MAX: variants seen among roughly 807,000 people sequenced by gnomAD.
MAX encodes MYC associated transcriptional regulator X.
Under a neutral mutation model 22.3 loss-of-function variants are expected in MAX, and 3 were observed. The observed-to-expected ratio is 0.13, with a 90% CI of 0.06 to 0.35. The LOEUF (loss-of-function observed/expected upper bound fraction) is 0.35. Ranked by LOEUF, MAX falls within the 10% of genes least tolerant of loss-of-function variation. The pLI is 1.00. For missense variants in MAX, 119 were observed against 209.4 expected (o/e 0.57, Z 2.66); for synonymous variants, 72 against 77.7 (o/e 0.93, Z 0.39).
At chr14:65,083,308 T>C (rs1001512403) in intron 3 of MAX, among the ~76,000 whole-genome samples, 8 of 152,238 alleles carry the variant, frequency 5.3e-5, no homozygotes, top group Non-Finnish European at 8.8e-5. Context: ...GGATTCTAAA[T>C]AGAACCGTTT....
At position 65,032,623 on chromosome 14, in the gene MAX, G is replaced by A. The variant is rs762864284; in HGVS notation, c.172-26339C>T. The A allele has an allele frequency of 7.6e-5, 122 of 1,613,640 alleles. No individual in the cohort carries two copies. Among genetic ancestry groups the A allele is most frequent in the Non-Finnish European group, 2.7e-5 (32 of 1,180,000 alleles). ...CTGTCTTTCCAGAAGCGCATACTGT[G>A]CTGCCTCCGTAGCCTCGCTGACCAA... On this transcript the variant is annotated intron_variant, in intron 3 of 3. Coordinates refer to the MAX transcript ENST00000341653. This position sits in a 1 kb window ranked among gnomAD's most constrained non-coding sequence, Gnocchi z 5.0.
rs2062035854 is a variant in MAX, at chr14:65,029,158, G to C, written c.172-22874C>G. On this transcript the variant is annotated intron_variant, in intron 3 of 3. Transcript: ENST00000341653. The surrounding 1 kb of genome is among the most constrained non-coding windows in gnomAD (Gnocchi z 4.7). ...CTTTGGGTGATGCTCTGCCATTCGT[G>C]CCCGTGCTTTCTATTTACATAAAGG... is the stretch of plus-strand genomic sequence containing the variant. Among the ~76,000 whole-genome samples the C allele has an allele frequency of 6.6e-6, 1 of 152,100 alleles. No homozygotes were observed. The highest frequency in any genetic ancestry group is 6.5e-5 in the Admixed American group (1 of 15,270).
At position 65,006,478 on chromosome 14, in the gene MAX, G is replaced by A. The variant is rs7148590; in HGVS notation, c.172-194C>T. Among the ~76,000 whole-genome samples, 85,636 of 152,034 alleles carry A rather than the reference G, an allele frequency of 0.56. 24,732 individuals carry two copies. The highest frequency in any genetic ancestry group is 0.69 in the African/African-American group (28,579 of 41,438). The stretch of plus-strand genomic sequence containing the variant: ...CTTGGGAGAACGAGCTCTCTTAAAT[G>A]TAATGGTATCCTTGGCAGTTCGCTG... On this transcript the variant is annotated intron_variant, in intron 3 of 3. Transcript: ENST00000341653.
At position 65,084,264 on chromosome 14, in the gene MAX, G is replaced by T. The variant is rs1293312133; in HGVS notation, c.172-6228C>A. The T allele has an allele frequency of 2.5e-6, 4 of 1,612,600 alleles. No homozygotes were observed. In the African/African-American group the frequency reaches 4.0e-5, roughly 16 times the overall value. On this transcript the variant is annotated intron_variant, in intron 3 of 4. Coordinates refer to ENST00000358664, the MANE Select transcript of MAX (RefSeq NM_002382.5). This position sits in a 1 kb window ranked among gnomAD's most constrained non-coding sequence, Gnocchi z 4.3. ...TCTGCATCAAACTTTGACGATGAAG[G>T]ACAGGAGTACACAATTTCCAAAAGA...
intron 3 of MAX, among the ~76,000 whole-genome samples, chr14:65,051,761 T>C (rs991225712): frequency 2.0e-5 from 3 of 152,294 alleles, no homozygotes; most frequent in East Asian, 1.9e-4. Flanking sequence ...GGAAAGGTTA[T>C]TGATACCATA....
Position 65,077,373 on chromosome 14 carries a change from G to C in MAX, c.295+540C>G, listed in dbSNP as rs2063087053. On this transcript the variant is annotated intron_variant, in intron 4 of 4. Transcript: ENST00000358664. This position sits in a 1 kb window ranked among gnomAD's most constrained non-coding sequence, Gnocchi z 6.3. Reference sequence around the variant, plus strand: ...CCTTTTACTTGCATCTTCCATGAGGGAGGAAGAGAAGTGAATTCCCCAGGA... The same window carrying C: ...CCTTTTACTTGCATCTTCCATGAGGCAGGAAGAGAAGTGAATTCCCCAGGA... 2.5e-6 allele frequency: 4 copies of C among 1,613,486 alleles called. No homozygotes were observed.
chr14:65,074,042 G>A (rs1268457939), downstream of MAX, among the ~76,000 whole-genome samples: 2 of 152,168 alleles, frequency 1.3e-5, no homozygotes, highest in African/African-American at 4.8e-5. Flanking sequence ...CTTCCTGTTT[G>A]CTATCTCCCT....
chr14:65,022,055 A>T lies in MAX; in HGVS notation c.172-15771T>A, dbSNP rs144756432. ...ACACGTCTGACTCTGTGAGCAGCAGAGGCCACCCGGAATCAACAAGAGATG... is the reference window on the plus strand; with the variant it reads ...ACACGTCTGACTCTGTGAGCAGCAGTGGCCACCCGGAATCAACAAGAGATG... On this transcript the variant is annotated intron_variant, in intron 3 of 3. Coordinates refer to the MAX transcript ENST00000341653. 8.7e-4 allele frequency: 396 copies of T among 456,084 alleles called. 4 individuals carry two copies. The highest frequency in any genetic ancestry group is 6.8e-3 in the African/African-American group (339 of 50,200). 28.3% of individuals were successfully genotyped at this position (456,084 alleles called of 1,614,324 possible).
chr14:65,055,485 TC>T (rs902156155), intron 3 of MAX, among the ~76,000 whole-genome samples: 15 of 152,152 alleles, frequency 9.9e-5, no homozygotes, highest in Admixed American at 5.9e-4. Context: ...ATTGTAACCT[TC>T]CTTTTTTGTT....
At chr14:65,085,728 G>A (rs536470012) in intron 3 of MAX, among the ~76,000 whole-genome samples, 5 of 152,264 alleles carry the variant, frequency 3.3e-5, no homozygotes, top group Admixed American at 2.0e-4. Flanking sequence ...GAGGGAAGGG[G>A]GGAACTCAGG....
chr14:65,006,591 G>C (rs2061596165), intron 3 of MAX, among the ~76,000 whole-genome samples: 1 of 152,152 alleles, frequency 6.6e-6, no homozygotes, highest in African/African-American at 2.4e-5. Flanking sequence ...GCTTTTGGAG[G>C]GGCTTTGTTG....
chr14:65,065,227 G>T (rs528895421), intron 3 of MAX, among the ~76,000 whole-genome samples: 1 of 152,206 alleles, frequency 6.6e-6, no homozygotes, highest in South Asian at 2.1e-4. Context: ...GGAAACCAGC[G>T]TGAGAAGCCA....
rs540466013 is a variant in MAX at position 65,057,148 on chromosome 14, T to A, written c.171+36560A>T. Among the ~76,000 whole-genome samples the A allele has an allele frequency of 1.1e-4, 16 of 152,270 alleles. No homozygotes were observed. The South Asian group carries it at 3.1e-3, about 30-fold the overall frequency. ...GATCCACCCCTCAAACCCAAACACA[T>A]TCCACAAACCCCACCTCTCAACATA... On this transcript the variant is annotated intron_variant, in intron 3 of 3. Coordinates refer to the MAX transcript ENST00000341653.
chr14:65,060,975 T>G (rs2062853963), intron 3 of MAX, among the ~76,000 whole-genome samples: 1 of 152,000 alleles, frequency 6.6e-6, no homozygotes, highest in Non-Finnish European at 1.5e-5. Context: ...AATATTTAAA[T>G]GCGTGTTTAT....
intron 3 of MAX, among the ~76,000 whole-genome samples, chr14:65,043,223 C>T (rs1256569401): frequency 2.6e-5 from 4 of 152,168 alleles, no homozygotes; most frequent in African/African-American, 4.8e-5. Flanking sequence ...TGGTTCTGCT[C>T]ATTCTGAGGG....
chr14:65,006,416 G>A, intron 3 of MAX: 1 of 1,385,192 alleles, frequency 7.2e-7, no homozygotes, highest in South Asian at 1.4e-5. Context: ...ATGAGATACA[G>A]CTAGAGATTA....
intron 3 of MAX, among the ~76,000 whole-genome samples, chr14:65,050,025 T>C (rs1015217277): frequency 2.6e-5 from 4 of 152,168 alleles, no homozygotes; most frequent in African/African-American, 4.8e-5. Context: ...TAAAAAGTTT[T>C]AAACTCACAT....
chr14:65,077,467 C>G lies in MAX; in HGVS notation c.295+446G>C. 7.4e-7 allele frequency: 1 copy of G among 1,344,020 alleles called. No individual in the cohort carries two copies. Among genetic ancestry groups the G allele is most frequent in the Non-Finnish European group, 1.1e-6 (1 of 933,542 alleles). 83.3% of individuals were successfully genotyped at this position (1,344,020 alleles called of 1,614,324 possible). ...AAAAGGCGGGTGTGAGCATTGAGAA[C>G]AGCATGGGCCTAGCCCATAGGCTGC... On this transcript the variant is annotated intron_variant, in intron 4 of 4. Transcript: ENST00000358664. The surrounding 1 kb of genome is among the most constrained non-coding windows in gnomAD (Gnocchi z 6.3).
intron 3 of MAX, among the ~76,000 whole-genome samples, chr14:65,068,901 G>T (rs1280428361): frequency 6.6e-6 from 1 of 152,154 alleles, no homozygotes; most frequent in African/African-American, 2.4e-5. Context: ...ATGATGGCCT[G>T]GGCTGATGGG....
Sources: allele counts gnomAD v4.1 joint callset (sites outside exome capture counted in the v4.1 genomes callset), GRCh38; gene constraint gnomAD v4.1.1; non-coding constraint Gnocchi (gnomAD v3.1); transcripts MANE v1.5; gene names NCBI Gene and HGNC (gene_info 2026-07-23, HGNC 2026-07-21).